The following PTPRD variants were observed in gnomAD, a reference collection of about 807,000 sequenced individuals.
PTPRD encodes receptor-type tyrosine-protein phosphatase delta.
Under a neutral mutation model 214.5 loss-of-function variants are expected in PTPRD, and 34 were observed. The observed-to-expected ratio is 0.16, with a 90% CI of 0.12 to 0.21. The LOEUF is 0.21. Ranked by LOEUF, PTPRD falls within the 10% of genes least tolerant of loss-of-function variation. The pLI, the probability that PTPRD is intolerant of heterozygous loss-of-function variation, is 1.00. For missense variants in PTPRD, 2,545 were observed against 2,398.7 expected, an observed-to-expected ratio of 1.06 and a Z score of -1.27; for synonymous variants, 1,128 against 845.7, an observed-to-expected ratio of 1.33 and a Z score of -5.79.
chr9:9,790,138 C>T (rs1156935238), intron 5 of PTPRD, among the ~76,000 whole-genome samples: 4 of 152,084 alleles, frequency 2.6e-5, no homozygotes, highest in Admixed American at 6.5e-5. Flanking sequence ...CTGTACTATT[C>T]GTTAGCTCTC....
chr9:8,702,232 G>C (rs1256522199), intron 12 of PTPRD, among the ~76,000 whole-genome samples: 2 of 150,164 alleles, frequency 1.3e-5, no homozygotes, highest in Non-Finnish European at 3.0e-5. Context: ...ATGGCTGCCA[G>C]ATAAATAAGC....
chr9:9,866,022 A>G lies in PTPRD; in HGVS notation c.-368+72485T>C, dbSNP rs555420431. On this transcript the variant is annotated intron_variant, in intron 5 of 45. Transcript: ENST00000381196. The stretch of plus-strand genomic sequence containing the variant: ...ATCTTCTTTGTTCCCTTCTCATGCC[A>G]TTCTCGTACACTTGCCTTCCTCTGT... Among the ~76,000 whole-genome samples the G allele has an allele frequency of 3.9e-5, 6 of 152,306 alleles. No homozygotes were observed. The South Asian group carries it at 1.2e-3, about 32-fold the overall frequency.
chr9:10,208,921 G>A (rs1195854320), intron 3 of PTPRD, among the ~76,000 whole-genome samples: 3 of 152,094 alleles, frequency 2.0e-5, no homozygotes, highest in African/African-American at 7.2e-5. Flanking sequence ...TATTCATTAC[G>A]TAACAGACAC....
At chr9:10,505,687 T>TA (rs35344275) in intron 2 of PTPRD, among the ~76,000 whole-genome samples, 4,519 of 145,612 alleles carry the variant, frequency 0.031, 198 homozygotes, top group Admixed American at 0.13. Flanking sequence ...AACAAAAAGT[T>TA]AAAAAAAAAA....
chr9:8,755,628 T>A (rs2093936163), intron 11 of PTPRD, among the ~76,000 whole-genome samples: 1 of 151,734 alleles, frequency 6.6e-6, no homozygotes, highest in Admixed American at 6.6e-5. Flanking sequence ...TAAAATCAAA[T>A]ACTTGTTTAC....
chr9:9,076,428 C>T (rs768238133), intron 10 of PTPRD, among the ~76,000 whole-genome samples: 8 of 151,642 alleles, frequency 5.3e-5, no homozygotes, highest in Admixed American at 1.3e-4. Context: ...ACCCATTAAC[C>T]GTCCCCTTTG....
At chr9:10,142,826 G>C (rs291283) in intron 3 of PTPRD, among the ~76,000 whole-genome samples, 5,755 of 144,192 alleles carry the variant, frequency 0.04, 156 homozygotes, top group Non-Finnish European at 0.06. Context: ...ACATGCACAC[G>C]TATGTTTATT....
At chr9:9,748,801 G>C (rs1025749117) in intron 6 of PTPRD, among the ~76,000 whole-genome samples, 3 of 152,180 alleles carry the variant, frequency 2.0e-5, no homozygotes, top group African/African-American at 7.2e-5. Flanking sequence ...GGAGATTTAT[G>C]TCAACCTCTG....
At chr9:9,888,564 C>T (rs546080454) in intron 5 of PTPRD, among the ~76,000 whole-genome samples, 17 of 152,138 alleles carry the variant, frequency 1.1e-4, no homozygotes, top group African/African-American at 4.1e-4. Flanking sequence ...CCTGGGAGAG[C>T]CAATTGTTAA....
chr9:9,473,019 A>G (rs2094736675), intron 8 of PTPRD, among the ~76,000 whole-genome samples: 1 of 152,172 alleles, frequency 6.6e-6, no homozygotes, highest in Admixed American at 6.5e-5. Flanking sequence ...TATATATGAA[A>G]TTATTGTTAA....
rs114209848 is a variant in PTPRD, at chr9:8,771,991, G to C, written c.-103-38045C>G. 8.8e-3 allele frequency among the ~76,000 whole-genome samples: 1,339 copies of C among 151,920 alleles called. 23 individuals carry two copies. Among genetic ancestry groups the C allele is most frequent in the African/African-American group, 0.03 (1,257 of 41,414 alleles). Reference sequence around the variant, plus strand: ...AATAATTACTAAAAAAAGAATAAATGCTTGAGATGGATACCCCACCTACCC... The same window carrying C: ...AATAATTACTAAAAAAAGAATAAATCCTTGAGATGGATACCCCACCTACCC... On this transcript the variant is annotated intron_variant, in intron 11 of 45. Coordinates refer to ENST00000381196, the MANE Select transcript of PTPRD (RefSeq NM_002839.4).
chr9:8,951,305 C>A (rs1042133824), intron 11 of PTPRD, among the ~76,000 whole-genome samples: 1 of 146,914 alleles, frequency 6.8e-6, no homozygotes. Context: ...TTAATTATTT[C>A]TCTGCTGGAT....
intron 8 of PTPRD, among the ~76,000 whole-genome samples, chr9:9,560,693 A>G (rs1171606753): frequency 1.3e-5 from 2 of 152,066 alleles, no homozygotes; most frequent in Admixed American, 1.3e-4. Context: ...GTCCAAGGGG[A>G]GTGGGTGGAT....
chr9:8,805,700 T>G (rs112814437), intron 11 of PTPRD, among the ~76,000 whole-genome samples: 1,551 of 151,180 alleles, frequency 0.01, 25 homozygotes, highest in African/African-American at 0.035. Flanking sequence ...CCCCCTGGGT[T>G]CAAGAAATTC....
chr9:9,839,603 A>G (rs1357849911), intron 5 of PTPRD, among the ~76,000 whole-genome samples: 2 of 152,138 alleles, frequency 1.3e-5, no homozygotes, highest in Admixed American at 6.6e-5. Flanking sequence ...GGAAGAATCA[A>G]TATCGTGAAA....
In PTPRD at chr9:9,245,718, A is replaced by C. The variant is rs2099972762; in HGVS notation, c.-202-62355T>G. 2.6e-5 allele frequency among the ~76,000 whole-genome samples: 4 copies of C among 152,170 alleles called. No individual in the cohort carries two copies. The South Asian group carries it at 8.3e-4, about 31-fold the overall frequency. ...ACACCAACATGGCACATGTATACAT[A>C]TGTAACAAACCTGCACGTTGTGCAC... On this transcript the variant is annotated intron_variant, in intron 9 of 45. Transcript: ENST00000381196.
At chr9:9,958,010 A>C (rs1051312863) in intron 4 of PTPRD, among the ~76,000 whole-genome samples, 1 of 149,064 alleles carries the variant, frequency 6.7e-6, no homozygotes, top group Non-Finnish European at 1.5e-5. Flanking sequence ...GAATGACTGG[A>C]AGTTCATTTG....
intron 3 of PTPRD, among the ~76,000 whole-genome samples, chr9:10,312,477 T>C (rs1489608153): frequency 2.6e-5 from 4 of 151,948 alleles, no homozygotes; most frequent in Admixed American, 6.6e-5. Flanking sequence ...GGATTTTCAA[T>C]AGGAAAACTC....
intron 5 of PTPRD, among the ~76,000 whole-genome samples, chr9:9,794,722 T>A (rs1265384549): frequency 6.6e-6 from 1 of 152,164 alleles, no homozygotes; most frequent in East Asian, 1.9e-4. Context: ...AAACCATGGC[T>A]TAGAGAAGAT....
Sources: gnomAD v4.1 joint callset for allele counts (sites outside exome capture counted in the v4.1 genomes callset) on GRCh38, gnomAD v4.1.1 for gene constraint, MANE v1.5 for transcripts, NCBI Gene and HGNC (gene_info 2026-07-23, HGNC 2026-07-21) for gene names.